Variants in DPP8 observed in about 807,000 individuals in gnomAD.
DPP8 encodes the protein DPP VIII.
DPP8 carries 31 observed loss-of-function variants against 107.5 expected under a neutral mutation model. The observed-to-expected ratio is 0.29, with a 90% CI of 0.22 to 0.39. DPP8 has a LOEUF of 0.39. Ranked by LOEUF, DPP8 falls within the 10% of genes least tolerant of loss-of-function variation. The pLI, the probability that DPP8 is intolerant of heterozygous loss-of-function variation, is 1.00. For missense variants in DPP8, 842 were observed against 1,076.1 expected (o/e 0.78, Z 3.04); for synonymous variants, 381 against 356.6 (o/e 1.07, Z -0.77).
chr15:65,493,243 C>T (rs991164386), intron 5 of DPP8, among the ~76,000 whole-genome samples: 2 of 152,024 alleles, frequency 1.3e-5, no homozygotes, highest in African/African-American at 2.4e-5. Flanking sequence ...GCCACCACCC[C>T]GGCTAATTTT....
At position 65,501,023 on chromosome 15, in the gene DPP8, G is replaced by A. The variant is rs190790122; in HGVS notation, c.373-244C>T. On this transcript the variant is annotated intron_variant, in intron 3 of 19. Transcript: ENST00000300141. ...CTTCCTAGTAGCTGGGACTACAGGC[G>A]CCCGCAACCACGCCCAGCTAATTTT... is the stretch of plus-strand genomic sequence containing the variant. Among the ~76,000 whole-genome samples, 997 of 151,856 alleles carry A rather than the reference G, an allele frequency of 6.6e-3. 12 individuals carry two copies. Among genetic ancestry groups the A allele is most frequent in the Non-Finnish European group, 7.1e-3 (483 of 67,952 alleles).
intron 5 of DPP8, among the ~76,000 whole-genome samples, chr15:65,491,160 CAAAAAAA>C (rs764574499): frequency 1.8e-5 from 1 of 55,008 alleles, no homozygotes; most frequent in Non-Finnish European, 3.7e-5. Context: ...GACTCCGTCT[CAAAAAAA>C]AAAAAAAAAA....
chr15:65,452,727 T>C (rs1035269007), intron 17 of DPP8, among the ~76,000 whole-genome samples: 4 of 152,104 alleles, frequency 2.6e-5, no homozygotes, highest in Non-Finnish European at 5.9e-5. Context: ...ATCCCAGCAC[T>C]TTGGGAGGCT....
chr15:65,452,391 T>C (rs927543863), intron 17 of DPP8, among the ~76,000 whole-genome samples: 1 of 152,078 alleles, frequency 6.6e-6, no homozygotes, highest in Non-Finnish European at 1.5e-5. Flanking sequence ...AACTGAACTA[T>C]ATCCTGCTAC....
rs2065117279 is a variant in DPP8 at position 65,463,875 on chromosome 15, A to G, written c.1857T>C (p.Ile619=). Reference sequence around the variant, plus strand: ...ATCCAGTAGTACTTTCAAAAGAGAAAATTTCTGGAGGAGTATAGTCAGGAA... The same window carrying G: ...ATCCAGTAGTACTTTCAAAAGAGAAGATTTCTGGAGGAGTATAGTCAGGAA... ...GPLPDYTPPE[I]FSFESTTGFT... Residue 619 remains isoleucine, a synonymous_variant, in exon 15 of 20, where the codon ATT becomes ATC. Transcript: ENST00000300141. The G allele has an allele frequency of 2.5e-6, 4 of 1,595,472 alleles. No individual in the cohort carries two copies. The highest frequency in any genetic ancestry group is 1.1e-5 in the South Asian group (1 of 87,724).
At chr15:65,447,143 C>G in intron 19 of DPP8, 137 bp from the exon 20 acceptor site, 1 of 557,222 alleles carries the variant, frequency 1.8e-6, no homozygotes, top group Non-Finnish European at 3.0e-6. Flanking sequence ...AGAATAAATC[C>G]TATCTAAACG....
intron 15 of DPP8, among the ~76,000 whole-genome samples, chr15:65,457,257 G>A (rs2064510205): frequency 6.6e-6 from 1 of 152,154 alleles, no homozygotes; most frequent in African/African-American, 2.4e-5. Flanking sequence ...GGGAGGCAGA[G>A]GCATGAGAAT....
intron 3 of DPP8, among the ~76,000 whole-genome samples, chr15:65,501,679 A>G (rs1440764395): frequency 6.6e-6 from 1 of 152,184 alleles, no homozygotes; most frequent in Non-Finnish European, 1.5e-5. Flanking sequence ...TCCTCTTAAT[A>G]AAACCTTAGA....
Position 65,463,808 on chromosome 15 carries a change from G to A in DPP8, c.1924C>T (p.Pro642Ser), listed in dbSNP as rs1380072781. The A allele has an allele frequency of 6.2e-7, 1 of 1,613,226 alleles. No individual in the cohort carries two copies. The change falls in exon 15 of 20, where the codon CCT becomes TCT. Residue 642 changes from proline (P) to serine (S), a missense_variant. Physicochemically the swap from Pro to Ser is moderately conservative, Grantham distance 74. Coordinates refer to ENST00000300141, the MANE Select transcript of DPP8 (RefSeq NM_130434.5). ...AGCACAGTAGGATATTTCTTTCCAG[G>A]CTGTAGATCATGAGGCTTGTAGAGC... ...GMLYKPHDLQ[P>S]GKKYPTVLFI...
intron 5 of DPP8, among the ~76,000 whole-genome samples, chr15:65,492,290 C>T (rs1179431449): frequency 4.6e-5 from 7 of 151,776 alleles, no homozygotes; most frequent in Non-Finnish European, 1.0e-4. Context: ...TGCAGTGAGC[C>T]GAGATCATGC....
chr15:65,512,729 T>C (rs951455408), intron 1 of DPP8, 165 bp from the exon 2 acceptor site: 11 of 652,692 alleles, frequency 1.7e-5, no homozygotes, highest in African/African-American at 1.6e-4. Context: ...AGCTCTCCCT[T>C]CTCTGTGTTC....
At chr15:65,500,566 G>A (rs1156587351) in intron 4 of DPP8, 40 bp downstream of exon 4, 2 of 1,565,064 alleles carry the variant, frequency 1.3e-6, no homozygotes, top group South Asian at 1.1e-5. Context: ...ATAACCTTTT[G>A]GACCCAAACC....
intron 3 of DPP8, among the ~76,000 whole-genome samples, chr15:65,506,556 A>T (rs1174654594): frequency 1.3e-5 from 2 of 151,444 alleles, no homozygotes; most frequent in South Asian, 4.1e-4. Flanking sequence ...TGAGAGTTTG[A>T]GACCAACCCG....
intron 2 of DPP8, chr15:65,511,888 T>C: frequency 3.7e-6 from 1 of 266,962 alleles, no homozygotes; most frequent in Non-Finnish European, 7.6e-6. Flanking sequence ...AGGCAGACAT[T>C]AAATCTGGAG....
chr15:65,492,720 C>T (rs370316426), intron 5 of DPP8, among the ~76,000 whole-genome samples: 22 of 151,968 alleles, frequency 1.4e-4, no homozygotes, highest in African/African-American at 5.3e-4. Flanking sequence ...CTCAGCCTCC[C>T]AAGTAGCTGG....
Position 65,481,619 on chromosome 15 carries a change from T to A in DPP8, c.1018-4A>T, listed in dbSNP as rs755027366. On this transcript the variant is annotated splice_region_variant and splice_polypyrimidine_tract_variant and intron_variant, in intron 8 of 19. Transcript: ENST00000300141. Reference sequence around the variant, plus strand: ...CCTTATCTATGACATCTATGATCTATTAAAAAAGAAAAAAAAAGAATCTAG... The same window carrying A: ...CCTTATCTATGACATCTATGATCTAATAAAAAAGAAAAAAAAAGAATCTAG... 1.4e-6 allele frequency: 2 copies of A among 1,384,048 alleles called. No homozygotes were observed. Among genetic ancestry groups the A allele is most frequent in the South Asian group, 2.7e-5 (2 of 74,472 alleles). 85.7% of individuals were successfully genotyped at this position (1,384,048 alleles called of 1,614,324 possible). A position where few individuals can be genotyped will look rare whatever the true frequency, so the allele number is the denominator to read the frequency against.
At chr15:65,483,586 CAATAAAATAA>C (rs71139408) in intron 8 of DPP8, among the ~76,000 whole-genome samples, 41,417 of 140,514 alleles carry the variant, frequency 0.29, 6,867 homozygotes, top group East Asian at 0.74. Flanking sequence ...TTTCTTCAAA[CAATAAAATAA>C]AATAAAATAA....
At chr15:65,475,241 A>G in intron 11 of DPP8, 1 of 524,828 alleles carries the variant, frequency 1.9e-6, no homozygotes, top group South Asian at 2.0e-5. Flanking sequence ...TAGTTAGTTG[A>G]GAGTATGACA....
intron 12 of DPP8, among the ~76,000 whole-genome samples, chr15:65,468,646 C>T (rs1164523150): frequency 6.6e-6 from 1 of 152,088 alleles, no homozygotes; most frequent in East Asian, 1.9e-4. Flanking sequence ...GAAATCAACA[C>T]AGTTGGGATT....
Sources: allele counts gnomAD v4.1 joint callset (sites outside exome capture counted in the v4.1 genomes callset), GRCh38; gene constraint gnomAD v4.1.1; transcripts MANE v1.5; gene names NCBI Gene and HGNC (gene_info 2026-07-23, HGNC 2026-07-21).